Variants in DISP3 observed in about 807,000 individuals in gnomAD.
DISP3 encodes dispatched RND transporter family member 3, also known as protein dispatched homolog 3.
A neutral mutation model predicts 135.3 loss-of-function variants in DISP3; 101 were observed. That is an observed-to-expected ratio of 0.75 (90% CI 0.64 to 0.88). DISP3 has a LOEUF of 0.88. DISP3 is among the 40% of genes least tolerant of loss of function. The pLI is 0.00. For missense variants in DISP3, 1,713 were observed against 1,878.6 expected (o/e 0.91, Z 1.63); for synonymous variants, 856 against 817.0 (o/e 1.05, Z -0.81).
chr1:11,490,188 G>C (rs1235929172), intron 1 of DISP3, among the ~76,000 whole-genome samples: 1 of 152,214 alleles, frequency 6.6e-6, no homozygotes, highest in Non-Finnish European at 1.5e-5. Context: ...GGAACCTGCT[G>C]ACCCGTCAGG....
Position 11,536,770 on chromosome 1 carries a change from G to A in DISP3, c.*84G>A. 2 of 1,437,812 alleles carry A rather than the reference G, an allele frequency of 1.4e-6. No homozygotes were observed. Among genetic ancestry groups the A allele is most frequent in the Non-Finnish European group, 1.8e-6 (2 of 1,097,894 alleles). 89.1% of individuals were successfully genotyped at this position (1,437,812 alleles called of 1,614,324 possible). ...CTTCCCAGCTCGACTTCAGCTAGCT[G>A]TGTCCCCAGGCCTGGGCCCAGGGCG... On this transcript the variant is annotated 3_prime_UTR_variant, in exon 21 of 21. Coordinates refer to ENST00000294484, the MANE Select transcript of DISP3 (RefSeq NM_020780.2). The surrounding 1 kb of genome is among the most constrained non-coding windows in gnomAD (Gnocchi z 4.3).
chr1:11,502,850 G>C lies in DISP3; in HGVS notation c.1269G>C (p.Gln423His). 1 of 1,614,200 alleles carries C rather than the reference G, an allele frequency of 6.2e-7. No homozygotes were observed. Among genetic ancestry groups the C allele is most frequent in the Non-Finnish European group, 8.5e-7 (1 of 1,180,038 alleles). Residue 423 changes from glutamine to histidine, a missense_variant, in exon 3 of 21, where the codon CAG (glutamine) becomes CAC (histidine). Around this residue, in one of 2 missense-constraint regions of DISP3, gnomAD observed 1,142 missense variants for 1,384.6 expected, o/e 0.82. Coordinates refer to ENST00000294484, the MANE Select transcript of DISP3 (RefSeq NM_020780.2). ...GGGAGGAACAACGGGCTAAGTTTCA[G>C]AGCTTCGTGGTCACCTACGTGGCCA... The part of the protein sequence containing the change: ...DRWEEQRAKF[Q>H]SFVVTYVAML...
Position 11,537,103 on chromosome 1 carries a change from C to A in DISP3, c.*417C>A. On this transcript the variant is annotated 3_prime_UTR_variant, in exon 21 of 21. Coordinates refer to ENST00000294484, the MANE Select transcript of DISP3 (RefSeq NM_020780.2). ...TGAGGCGCCAGGACACAGTGGCTGC[C>A]CTGTCGCTGGATCAGTAGCAGAGCC... is the stretch of plus-strand genomic sequence containing the variant. 1 of 170,936 alleles carries A rather than the reference C, an allele frequency of 5.9e-6. No homozygotes were observed. The highest frequency in any genetic ancestry group is 1.7e-4 in the South Asian group (1 of 5,890). 10.6% of individuals were successfully genotyped at this position (170,936 alleles called of 1,614,324 possible).
chr1:11,525,271 C>A lies in DISP3; in HGVS notation c.2572C>A (p.Gln858Lys), dbSNP rs2100497157. 6.2e-7 allele frequency: 1 copy of A among 1,614,040 alleles called. No individual in the cohort carries two copies. The highest frequency in any genetic ancestry group is 2.2e-5 in the East Asian group (1 of 44,864). The change falls in exon 12 of 21, where the codon CAG becomes AAG. Residue 858 changes from glutamine to lysine, a missense_variant. This residue lies in a region of DISP3 where 1,142 missense variants were observed against 1,384.6 expected (regional missense o/e 0.82). Coordinates refer to ENST00000294484, the MANE Select transcript of DISP3 (RefSeq NM_020780.2). ...CAATGCCAGCCTGCCTGCTCCTTGG[C>A]AGGCTGTGTCGCCTGGGGATGGAGA... ...SLNASLPAPW[Q>K]AVSPGDGEVP...
rs1401273952 is a variant in DISP3, at chr1:11,519,995, G to A, written c.2200+115G>A. ...CCCAGGGTCAGAGGCCTGGGCTGGG[G>A]TCTCTCCCTCTCTGACCCCCCCTCT... On this transcript the variant is annotated intron_variant, in intron 9 of 20. Coordinates refer to ENST00000294484, the MANE Select transcript of DISP3 (RefSeq NM_020780.2). This position sits in a 1 kb window ranked among gnomAD's most constrained non-coding sequence, Gnocchi z 4.3. The A allele has an allele frequency of 2.8e-6, 3 of 1,066,150 alleles. No individual in the cohort carries two copies. Among genetic ancestry groups the A allele is most frequent in the African/African-American group, 3.2e-5 (2 of 62,904 alleles). 66.0% of individuals were successfully genotyped at this position (1,066,150 alleles called of 1,614,324 possible).
intron 3 of DISP3, among the ~76,000 whole-genome samples, chr1:11,512,046 C>G (rs563973639): frequency 7.7e-4 from 117 of 152,300 alleles, no homozygotes; most frequent in African/African-American, 2.6e-3. Context: ...AGTCCCTAGG[C>G]TGCACACAGC....
At position 11,536,316 on chromosome 1, in the gene DISP3, GC is replaced by G. The variant is rs1436756935; in HGVS notation, c.3817-3del. The stretch of plus-strand genomic sequence containing the variant: ...AGGCTGGGCTCCCAGCTCTCCTCTT[GC>G]CCCCAGGACGCCCGAACGCAGCGCC... On this transcript the variant is annotated splice_region_variant and splice_polypyrimidine_tract_variant and intron_variant, in intron 20 of 20. Coordinates refer to ENST00000294484, the MANE Select transcript of DISP3 (RefSeq NM_020780.2). The surrounding 1 kb of genome is among the most constrained non-coding windows in gnomAD (Gnocchi z 4.3). 6.3e-7 allele frequency: 1 copy of G among 1,593,512 alleles called. No homozygotes were observed. Among genetic ancestry groups the G allele is most frequent in the Non-Finnish European group, 8.5e-7 (1 of 1,175,970 alleles).
chr1:11,517,439 C>A, intron 6 of DISP3, 24 bp from the exon 7 acceptor site: 1 of 1,612,268 alleles, frequency 6.2e-7, no homozygotes, highest in Non-Finnish European at 8.5e-7. Context: ...TGTCCCACAT[C>A]CCTCTCTTCC....
chr1:11,516,105 A>G lies in DISP3; in HGVS notation c.1693A>G (p.Thr565Ala). The G allele has an allele frequency of 6.2e-7, 1 of 1,614,136 alleles. No homozygotes were observed. The highest frequency in any genetic ancestry group is 8.5e-7 in the Non-Finnish European group (1 of 1,179,988). The change falls in exon 6 of 21, where the codon ACC becomes GCC. Residue 565 changes from threonine (T) to alanine (A), a missense_variant. Around this residue, in one of 2 missense-constraint regions of DISP3, gnomAD observed 1,142 missense variants for 1,384.6 expected, o/e 0.82. Coordinates refer to ENST00000294484, the MANE Select transcript of DISP3 (RefSeq NM_020780.2). This position sits in a 1 kb window ranked among gnomAD's most constrained non-coding sequence, Gnocchi z 5.1. ...CACCGTCCAAACTGCAGGCAAGGCC[A>G]CCTTCTTCACCTCCCTGACCACAGC... ...IHTVQTAGKA[T>A]FFTSLTTAAA... is the part of the protein sequence containing the mutation.
Position 11,534,509 on chromosome 1 carries a change from G to T in DISP3, c.3504G>T (p.Glu1168Asp). 6.2e-7 allele frequency: 1 copy of T among 1,611,982 alleles called. No homozygotes were observed. Residue 1168 changes from glutamate to aspartate, a missense_variant, in exon 18 of 21, where the codon GAG (glutamate) becomes GAT (aspartate). By Grantham distance (45) the Glu-to-Asp change is conservative (BLOSUM62 2). This residue lies in a region of DISP3 where 1,142 missense variants were observed against 1,384.6 expected (regional missense o/e 0.82). Transcript: ENST00000294484. ...TGCGCCGGGGCTTCCAGACCTGCGA[G>T]CACTGGAAGCAGATATTCATGGAAA... ...SVLRRGFQTC[E>D]HWKQIFMEIV...
rs61750330 is a variant in DISP3, at chr1:11,534,537, G to A, written c.3532G>A (p.Val1178Ile). 9.2e-4 allele frequency: 1,474 copies of A among 1,603,848 alleles called. 1 individual carries two copies. Among genetic ancestry groups the A allele is most frequent in the Non-Finnish European group, 1.2e-3 (1,388 of 1,173,776 alleles). ...CTGGAAGCAGATATTCATGGAAATCGTAGGCAAGCGGCAGCCTCGCCCCTC... is the reference window on the plus strand; with the variant it reads ...CTGGAAGCAGATATTCATGGAAATCATAGGCAAGCGGCAGCCTCGCCCCTC... ...EHWKQIFMEI[V>I]GVQSALCGLV... The change falls in exon 18 of 21, where the codon GTA becomes ATA. Residue 1178 changes from valine to isoleucine, a missense_variant. Physicochemically the swap from Val to Ile is conservative, Grantham distance 29 (BLOSUM62 3). Transcript: ENST00000294484.
In DISP3 at chr1:11,508,287, A is replaced by G. The variant is rs117772577; in HGVS notation, c.1316+5390A>G. On this transcript the variant is annotated intron_variant, in intron 3 of 20. Coordinates refer to ENST00000294484, the MANE Select transcript of DISP3 (RefSeq NM_020780.2). ...ACAAAAATTAGCCAGGCATGGTGAC[A>G]CATGCCTGTAGTCCTTGCTACTTTG... Among the ~76,000 whole-genome samples the G allele has an allele frequency of 2.1e-3, 315 of 152,188 alleles. 5 individuals carry two copies. The East Asian group carries it at 0.039, about 19-fold the overall frequency.
chr1:11,502,013 A>G lies in DISP3; in HGVS notation c.1021A>G (p.Thr341Ala), dbSNP rs758442674. 6.2e-7 allele frequency: 1 copy of G among 1,610,680 alleles called. No homozygotes were observed. Among genetic ancestry groups the G allele is most frequent in the Non-Finnish European group, 8.5e-7 (1 of 1,178,370 alleles). ...CTGCTCGCCCCCCAGCTCGCTCATG[A>G]CCTACTTTTTTCCCACCGAGAGGGG... Reference protein sequence around the residue: ...SYCSPPSSLMTYFFPTERGGK... With the variant: ...SYCSPPSSLMAYFFPTERGGK... Residue 341 changes from threonine (T) to alanine (A), a missense_variant, in exon 2 of 21, where the codon ACC becomes GCC. Transcript: ENST00000294484.
At chr1:11,523,724 A>T (rs1416461566) in intron 10 of DISP3, among the ~76,000 whole-genome samples, 1 of 152,130 alleles carries the variant, frequency 6.6e-6, no homozygotes, top group Non-Finnish European at 1.5e-5. Flanking sequence ...GGGCAGGCTG[A>T]TGGTGCCTTT....
rs768671644 is a variant in DISP3 at position 11,529,830 on chromosome 1, C to T, written c.2973C>T (p.Cys991=). 8.1e-6 allele frequency: 13 copies of T among 1,613,860 alleles called. No homozygotes were observed. Among genetic ancestry groups the T allele is most frequent in the Middle Eastern group, 1.6e-4 (1 of 6,078 alleles). Reference sequence around the variant, plus strand: ...CAGCCACCTTCGGCTTCAACCCCTGCGTGAACACGGGCTGCGGGAAGCCGG... The same window carrying T: ...CAGCCACCTTCGGCTTCAACCCCTGTGTGAACACGGGCTGCGGGAAGCCGG... ...RLSATFGFNP[C]VNTGCGKPAV... is the part of the protein sequence containing the mutation. The change falls in exon 15 of 21, where the codon TGC becomes TGT. Residue 991 remains cysteine, a synonymous_variant. Transcript: ENST00000294484. This position sits in a 1 kb window ranked among gnomAD's most constrained non-coding sequence, Gnocchi z 4.7.
intron 3 of DISP3, among the ~76,000 whole-genome samples, chr1:11,506,032 T>C (rs1641687457): frequency 6.6e-6 from 1 of 152,254 alleles, no homozygotes; most frequent in African/African-American, 2.4e-5. Flanking sequence ...TATAGAATTA[T>C]AAATTGGCAC....
At chr1:11,528,844 C>A (rs750923380) in intron 13 of DISP3, among the ~76,000 whole-genome samples, 2 of 152,244 alleles carry the variant, frequency 1.3e-5, no homozygotes, top group Non-Finnish European at 2.9e-5. Context: ...CAAACACCCA[C>A]AGGAGCCTGA....
chr1:11,530,873 G>A (rs1642557917), intron 15 of DISP3, 34 bp from the exon 16 acceptor site: 1 of 1,611,822 alleles, frequency 6.2e-7, no homozygotes, highest in African/African-American at 1.3e-5. Flanking sequence ...GTCTCACTGA[G>A]CGGCCCGGGC....
rs200016793 is a variant in DISP3, at chr1:11,516,075, A to G, written c.1663A>G (p.Ile555Val). Residue 555 changes from isoleucine to valine, a missense_variant, in exon 6 of 21, where the codon ATC becomes GTC. Physicochemically the swap from Ile to Val is conservative, Grantham distance 29. Coordinates refer to ENST00000294484, the MANE Select transcript of DISP3 (RefSeq NM_020780.2). The surrounding 1 kb of genome is among the most constrained non-coding windows in gnomAD (Gnocchi z 5.1). ...CCTGGAAGACCCACAGCTGCGCATGATCCACACCGTCCAAACTGCAGGCAA... is the reference window on the plus strand; with the variant it reads ...CCTGGAAGACCCACAGCTGCGCATGGTCCACACCGTCCAAACTGCAGGCAA... ...THLEDPQLRM[I>V]HTVQTAGKAT... 1.1e-4 allele frequency: 181 copies of G among 1,613,996 alleles called. No individual in the cohort carries two copies. The highest frequency in any genetic ancestry group is 1.5e-4 in the Non-Finnish European group (173 of 1,180,004).
Sources: allele counts gnomAD v4.1 joint callset (sites outside exome capture counted in the v4.1 genomes callset), GRCh38; gene constraint gnomAD v4.1.1; regional missense constraint gnomAD v4.1.1; non-coding constraint Gnocchi (gnomAD v3.1); transcripts MANE v1.5; gene names NCBI Gene and HGNC (gene_info 2026-07-23, HGNC 2026-07-21).